CDK12: variants seen among roughly 807,000 people sequenced by gnomAD.
The protein encoded by CDK12 is cyclin-dependent kinase 12.
Under a neutral mutation model 133.8 loss-of-function variants are expected in CDK12, and 17 were observed. The ratio of observed to expected loss-of-function variants is 0.13; its 90% CI spans 0.09 to 0.19. The LOEUF (loss-of-function observed/expected upper bound fraction) is 0.19, where lower values mean the gene tolerates loss of function less well. Ranked by LOEUF, CDK12 falls within the 10% of genes least tolerant of loss-of-function variation. CDK12 has a pLI of 1.00. For missense variants in CDK12, 1,508 were observed against 1,818.7 expected (o/e 0.83, Z 3.11); for synonymous variants, 694 against 683.6 (o/e 1.02, Z -0.24).
At chr17:39,468,468 T>A (rs1249967744) in intron 1 of CDK12, among the ~76,000 whole-genome samples, 5 of 152,036 alleles carry the variant, frequency 3.3e-5, no homozygotes, top group Admixed American at 3.3e-4. Flanking sequence ...CTTTTAATAT[T>A]TTTATTTTAT....
At chr17:39,566,019 C>A (rs2056562576), downstream of CDK12, among the ~76,000 whole-genome samples, 1 of 152,154 alleles carries the variant, frequency 6.6e-6, no homozygotes, top group Non-Finnish European at 1.5e-5. Context: ...GTCACTTCTC[C>A]TTACTCTCCT....
intron 6 of CDK12, among the ~76,000 whole-genome samples, chr17:39,506,339 C>T (rs901608524): frequency 2.6e-5 from 4 of 151,226 alleles, no homozygotes; most frequent in Admixed American, 6.6e-5. Context: ...CTCAGCCTTC[C>T]GAGTAGTTGG....
At chr17:39,520,635 C>T (rs1477142997) in intron 11 of CDK12, among the ~76,000 whole-genome samples, 1 of 152,082 alleles carries the variant, frequency 6.6e-6, no homozygotes, top group Non-Finnish European at 1.5e-5. Context: ...AGGTGACCCA[C>T]CCTGGCCTCC....
intron 2 of CDK12, among the ~76,000 whole-genome samples, chr17:39,478,258 C>G (rs991807600): frequency 6.6e-6 from 1 of 151,436 alleles, no homozygotes; most frequent in African/African-American, 2.4e-5. Context: ...GTGGCTCAAT[C>G]TCAGCTCACT....
In CDK12 at chr17:39,501,144, C is replaced by G. The variant is rs1447215825; in HGVS notation, c.2420-106C>G. The G allele has an allele frequency of 1.7e-5, 12 of 706,668 alleles. No homozygotes were observed. In the East Asian group the frequency reaches 2.8e-4, roughly 17 times the overall value. 43.8% of individuals were successfully genotyped at this position (706,668 alleles called of 1,614,324 possible). On this transcript the variant is annotated intron_variant, in intron 5 of 13. Coordinates refer to ENST00000447079, the MANE Select transcript of CDK12 (RefSeq NM_016507.4). ...CATCTGTAAAATTCAAGGGTTTTTT[C>G]TAGAGAACCTGTGGTCAACTCCAAA...
chr17:39,541,221 G>A (rs1175517661), intron 1 of CDK12, among the ~76,000 whole-genome samples: 4 of 147,440 alleles, frequency 2.7e-5, no homozygotes, highest in Non-Finnish European at 6.0e-5. Flanking sequence ...GCTAAGTCTG[G>A]GGGGTGGGGA....
upstream of CDK12, among the ~76,000 whole-genome samples, chr17:39,548,767 T>C (rs1018015441): frequency 2.6e-5 from 4 of 152,190 alleles, no homozygotes; most frequent in African/African-American, 9.7e-5. Flanking sequence ...GTGTTTCTGC[T>C]AGGGGTGCCA....
rs374125790 is a variant in CDK12, at chr17:39,467,934, C to G, written c.1047-2945C>G. ...TTTGAGATGGAGTGTCTCTCTGTCA[C>G]CCAGGCTGGAGTGCAGTGGCGTGAT... On this transcript the variant is annotated intron_variant, in intron 1 of 13. Coordinates refer to ENST00000447079, the MANE Select transcript of CDK12 (RefSeq NM_016507.4). Among the ~76,000 whole-genome samples the G allele has an allele frequency of 1.3e-5, 2 of 151,570 alleles. 1 individual carries two copies. The highest frequency in any genetic ancestry group is 4.2e-4 in the South Asian group (2 of 4,816).
At chr17:39,507,648 A>G (rs1260668660) in intron 6 of CDK12, among the ~76,000 whole-genome samples, 1 of 152,098 alleles carries the variant, frequency 6.6e-6, no homozygotes, top group Non-Finnish European at 1.5e-5. Context: ...GGCAGGAAAT[A>G]TGTTAGATGC....
rs142419434 is a variant in CDK12, at chr17:39,533,397, G to A, written c.*2081G>A. On this transcript the variant is annotated 3_prime_UTR_variant, in exon 14 of 14. Transcript: ENST00000447079. Reference sequence around the variant, plus strand: ...TCTTAGTCCTCAGACATGGGCCTTTGTGTTTTAGAATATTTGAATTTGAGT... The same window carrying A: ...TCTTAGTCCTCAGACATGGGCCTTTATGTTTTAGAATATTTGAATTTGAGT... The A allele has an allele frequency of 2.1e-3, 489 of 233,068 alleles. No individual in the cohort carries two copies. Among genetic ancestry groups the A allele is most frequent in the African/African-American group, 0.01 (460 of 45,420 alleles). The allele number at this position is 233,068 out of a possible 1,614,324, so 14.4% of individuals were successfully genotyped here.
At chr17:39,518,579 C>T (rs2053961600) in intron 10 of CDK12, among the ~76,000 whole-genome samples, 1 of 151,866 alleles carries the variant, frequency 6.6e-6, no homozygotes, top group South Asian at 2.1e-4. Flanking sequence ...ATAGAACTGG[C>T]CATATTTTTG....
At position 39,470,944 on chromosome 17, in the gene CDK12, A is replaced by G. The variant is rs778932012; in HGVS notation, c.1112A>G (p.Lys371Arg). ...TCAAGACATTCATCTTCTCATAGTA[A>G]AAAGAAGAGATCCAGTTCACGCAGT... Reference protein sequence around the residue: ...AYSRHSSSHSKKKRSSSRSRH... With the variant: ...AYSRHSSSHSRKKRSSSRSRH... Residue 371 changes from lysine (K) to arginine (R), a missense_variant, in exon 2 of 14, where the codon AAA becomes AGA. Physicochemically the swap from Lys to Arg is conservative, Grantham distance 26 (BLOSUM62 2). Around this residue, in one of 9 missense-constraint regions of CDK12, gnomAD observed 460 missense variants for 490.8 expected, o/e 0.94. Coordinates refer to ENST00000447079, the MANE Select transcript of CDK12 (RefSeq NM_016507.4). 6.2e-7 allele frequency: 1 copy of G among 1,613,844 alleles called. No individual in the cohort carries two copies. The highest frequency in any genetic ancestry group is 8.5e-7 in the Non-Finnish European group (1 of 1,179,910).
At chr17:39,482,635 C>G (rs1237121796) in intron 2 of CDK12, among the ~76,000 whole-genome samples, 1 of 82,788 alleles carries the variant, frequency 1.2e-5, no homozygotes, top group Non-Finnish European at 2.5e-5. Context: ...CAGAGTGTCT[C>G]TCTGTCACCC....
downstream of CDK12, among the ~76,000 whole-genome samples, chr17:39,537,159 C>T (rs1270629249): frequency 6.6e-6 from 1 of 152,156 alleles, no homozygotes; most frequent in African/African-American, 2.4e-5. Flanking sequence ...CCTAAGGGGC[C>T]TATCTGATGG....
intron 5 of CDK12, among the ~76,000 whole-genome samples, chr17:39,498,232 G>GT (rs1200616730): frequency 2.6e-3 from 383 of 145,318 alleles, no homozygotes; most frequent in Non-Finnish European, 3.9e-3. Flanking sequence ...GTTTTATTTT[G>GT]TTTTTTTTTT....
At chr17:39,528,070 C>G (rs1461426751) in intron 13 of CDK12, among the ~76,000 whole-genome samples, 1 of 151,700 alleles carries the variant, frequency 6.6e-6, no homozygotes, top group Non-Finnish European at 1.5e-5. Flanking sequence ...CACCTGCCAC[C>G]ACACCTGGCT....
chr17:39,519,181 G>T (rs1042964752), intron 10 of CDK12, among the ~76,000 whole-genome samples: 1 of 151,890 alleles, frequency 6.6e-6, no homozygotes, highest in African/African-American at 2.4e-5. Context: ...GGGATTACAG[G>T]CATGAGCTAC....
intron 3 of CDK12, among the ~76,000 whole-genome samples, chr17:39,558,788 C>T (rs2056257286): frequency 2.0e-5 from 3 of 152,112 alleles, no homozygotes; most frequent in South Asian, 4.1e-4. Flanking sequence ...GGATTATAGG[C>T]GTGTGCCACC....
chr17:39,485,806 G>T (rs1020866712), intron 2 of CDK12, among the ~76,000 whole-genome samples: 1 of 151,540 alleles, frequency 6.6e-6, no homozygotes, highest in East Asian at 1.9e-4. Context: ...CTTGAGCCTC[G>T]AGGCTGCAGT....
Sources: gnomAD v4.1 joint callset for allele counts (sites outside exome capture counted in the v4.1 genomes callset) on GRCh38, gnomAD v4.1.1 for gene constraint, gnomAD v4.1.1 regional missense constraint, MANE v1.5 for transcripts, NCBI Gene and HGNC (gene_info 2026-07-23, HGNC 2026-07-21) for gene names.